MYCT1: variants seen among roughly 807,000 people sequenced by gnomAD.
MYCT1 encodes the protein myc target protein 1.
A neutral mutation model predicts 15.0 loss-of-function variants in MYCT1; 12 were observed. The ratio of observed to expected loss-of-function variants is 0.80; its 90% CI spans 0.51 to 1.29. The LOEUF is 1.29. MYCT1 is among the 50% of genes most tolerant of loss of function. The probability of loss-of-function intolerance (pLI) is 0.00; values close to 1 mark genes in which losing one functional copy is unlikely to be tolerated. For missense variants in MYCT1, 287 were observed against 279.1 expected (o/e 1.03, Z -0.20); for synonymous variants, 104 against 102.7 (o/e 1.01, Z -0.07).
the MYCT1 span, among the ~76,000 whole-genome samples, chr6:152,743,419 G>C: frequency 6.6e-6 from 1 of 152,202 alleles, no homozygotes; most frequent in African/African-American, 2.4e-5. Flanking sequence ...ACAGAAAGGA[G>C]TGTGGACCTA....
chr6:152,731,772 G>A, the MYCT1 span, among the ~76,000 whole-genome samples: 3 of 146,932 alleles, frequency 2.0e-5, no homozygotes, highest in Non-Finnish European at 4.5e-5. Context: ...TTTTGAGACC[G>A]GGTATCTCCA....
the MYCT1 span, among the ~76,000 whole-genome samples, chr6:152,740,870 T>G: frequency 6.6e-6 from 1 of 152,292 alleles, no homozygotes; most frequent in East Asian, 1.9e-4. Context: ...ATTGTAGAAA[T>G]ATGAAATTAA....
chr6:152,741,892 G>A, the MYCT1 span, among the ~76,000 whole-genome samples: 2 of 152,138 alleles, frequency 1.3e-5, no homozygotes, highest in Non-Finnish European at 2.9e-5. Flanking sequence ...TTCAGTAATA[G>A]CCATCCTGTA....
rs768361552 is a variant in MYCT1, at chr6:152,721,926, C to A, written c.381C>A (p.Arg127=). The change falls in exon 2 of 2, where the codon CGC becomes CGA. Residue 127 remains arginine, a synonymous_variant. Coordinates refer to ENST00000367245, the MANE Select transcript of MYCT1 (RefSeq NM_025107.3). ...THGLNRTGFY[R]HSGCERRSNL... Reference sequence around the variant, plus strand: ...GCCTCAACAGAACTGGATTTTACCGCCACAGTGGCTGTGAACGTCGAAGCA... The same window carrying A: ...GCCTCAACAGAACTGGATTTTACCGACACAGTGGCTGTGAACGTCGAAGCA... 14 of 1,614,134 alleles carry A rather than the reference C, an allele frequency of 8.7e-6. No individual in the cohort carries two copies. In the South Asian group the frequency reaches 1.3e-4, roughly 15 times the overall value.
chr6:152,735,979 G>A, the MYCT1 span, among the ~76,000 whole-genome samples: 1 of 151,742 alleles, frequency 6.6e-6, no homozygotes, highest in Admixed American at 6.6e-5. Flanking sequence ...TTATAAAAGG[G>A]GTTCTAAACA....
chr6:152,717,853 A>G (rs1181783407), intron 1 of MYCT1, among the ~76,000 whole-genome samples: 1 of 152,120 alleles, frequency 6.6e-6, no homozygotes, highest in East Asian at 1.9e-4. Flanking sequence ...AATCCATATC[A>G]AAAGCAATTT....
In MYCT1 at chr6:152,721,905, C is replaced by T. The variant is rs758805084; in HGVS notation, c.360C>T (p.Leu120=). ...CTAGGTCTTCTTACACCCACGGCCT[C>T]AACAGAACTGGATTTTACCGCCACA... The part of the protein sequence containing the change: ...RRSRSSYTHG[L]NRTGFYRHSG... Residue 120 remains leucine (L), a synonymous_variant, in exon 2 of 2, where the codon CTC becomes CTT. Coordinates refer to ENST00000367245, the MANE Select transcript of MYCT1 (RefSeq NM_025107.3). 1 of 1,614,108 alleles carries T rather than the reference C, an allele frequency of 6.2e-7. No homozygotes were observed. The highest frequency in any genetic ancestry group is 1.7e-5 in the Admixed American group (1 of 60,020).
chr6:152,727,160 G>A (rs562076353), downstream of MYCT1, among the ~76,000 whole-genome samples: 83 of 149,764 alleles, frequency 5.5e-4, no homozygotes, highest in African/African-American at 1.9e-3. Context: ...GCCGTGAGCC[G>A]AGATCGCACC....
At chr6:152,734,941 T>C in the MYCT1 span, among the ~76,000 whole-genome samples, 1 of 152,234 alleles carries the variant, frequency 6.6e-6, no homozygotes, top group Non-Finnish European at 1.5e-5. Flanking sequence ...ACTGGAAATT[T>C]GGAAATTTGT....
At chr6:152,705,567 A>G (rs1302720068) in intron 1 of MYCT1, among the ~76,000 whole-genome samples, 2 of 151,998 alleles carry the variant, frequency 1.3e-5, no homozygotes, top group African/African-American at 4.8e-5. Context: ...GAGTAATAAC[A>G]TTCCCTTATT....
the MYCT1 span, among the ~76,000 whole-genome samples, chr6:152,740,803 A>T: frequency 2.0e-5 from 3 of 152,142 alleles, no homozygotes; most frequent in African/African-American, 7.2e-5. Flanking sequence ...GTATTTAGTT[A>T]TATTTGATTT....
chr6:152,705,730 T>G (rs1165954503), intron 1 of MYCT1: 1 of 263,404 alleles, frequency 3.8e-6, no homozygotes, highest in African/African-American at 2.2e-5. Context: ...TTATAAAATT[T>G]TCCCCTTCTT....
downstream of MYCT1, among the ~76,000 whole-genome samples, chr6:152,726,332 G>T (rs976510290): frequency 6.6e-6 from 1 of 150,746 alleles, no homozygotes; most frequent in African/African-American, 2.4e-5. Context: ...GGGAGGCAAA[G>T]GTTACAGTGA....
chr6:152,728,549 A>T (rs1001963219), downstream of MYCT1, among the ~76,000 whole-genome samples: 8 of 152,314 alleles, frequency 5.3e-5, no homozygotes, highest in East Asian at 1.4e-3. Flanking sequence ...CTAAGTAGAA[A>T]AAAAAAACCT....
At chr6:152,746,860 T>G in the MYCT1 span, among the ~76,000 whole-genome samples, 2 of 152,170 alleles carry the variant, frequency 1.3e-5, no homozygotes, top group African/African-American at 4.8e-5. Context: ...TTCTCTAAAC[T>G]CAGCATCAGT....
intron 1 of MYCT1, among the ~76,000 whole-genome samples, chr6:152,719,694 G>A (rs373893440): frequency 3.3e-5 from 5 of 152,282 alleles, no homozygotes; most frequent in African/African-American, 1.2e-4. Flanking sequence ...GAAGGACACT[G>A]AACTATATCC....
downstream of MYCT1, among the ~76,000 whole-genome samples, chr6:152,728,242 CTTAAA>C (rs2099725999): frequency 6.6e-6 from 1 of 151,372 alleles, no homozygotes; most frequent in African/African-American, 2.4e-5. Context: ...AGGGCTGAAA[CTTAAA>C]TTAGATTACT....
chr6:152,741,982 G>GT, the MYCT1 span, among the ~76,000 whole-genome samples: 1 of 152,130 alleles, frequency 6.6e-6, no homozygotes, highest in African/African-American at 2.4e-5. Context: ...AACAATAAAA[G>GT]TTTTTTAAAA....
the MYCT1 span, among the ~76,000 whole-genome samples, chr6:152,731,221 G>GA: frequency 0.54 from 81,748 of 151,364 alleles, 24,430 homozygotes; most frequent in Non-Finnish European, 0.66. Flanking sequence ...TACCTAGCGT[G>GA]AAAAAAAAGT....
Sources: gnomAD v4.1 joint callset for allele counts (sites outside exome capture counted in the v4.1 genomes callset) on GRCh38, gnomAD v4.1.1 for gene constraint, MANE v1.5 for transcripts, NCBI Gene and HGNC (gene_info 2026-07-23, HGNC 2026-07-21) for gene names.